Variants in SMARCAD1 observed in about 807,000 individuals in gnomAD.
The protein encoded by SMARCAD1 is SNF2 related chromatin remodeling ATPase with DExD box 1, also known as SWI/SNF-related matrix-associated actin-dependent regulator of chromatin subfamily A containing DEAD/H box 1.
Under a neutral mutation model 127.1 loss-of-function variants are expected in SMARCAD1, and 25 were observed. That is an observed-to-expected ratio of 0.20 (90% CI 0.14 to 0.27). The LOEUF is 0.27. SMARCAD1 is among the 10% of genes least tolerant of loss of function. The pLI is 1.00. For synonymous variants in SMARCAD1, 400 were observed against 396.9 expected (o/e 1.01, Z -0.09); for missense variants, 807 against 1,206.0 (o/e 0.67, Z 4.90).
intron 2 of SMARCAD1, among the ~76,000 whole-genome samples, chr4:94,216,966 A>C (rs943420614): frequency 6.6e-6 from 1 of 152,222 alleles, no homozygotes; most frequent in African/African-American, 2.4e-5. Flanking sequence ...TTGCTGGATC[A>C]TATAGTAATT....
At chr4:94,240,385 G>A (rs1011501866) in intron 5 of SMARCAD1, among the ~76,000 whole-genome samples, 13 of 152,240 alleles carry the variant, frequency 8.5e-5, no homozygotes, top group East Asian at 1.9e-4. Context: ...TGTTGCTTAA[G>A]CTCTCTGTAT....
chr4:94,265,396 G>T (rs1340557249), intron 10 of SMARCAD1, among the ~76,000 whole-genome samples: 1 of 125,756 alleles, frequency 8.0e-6, no homozygotes, highest in Admixed American at 8.9e-5. Flanking sequence ...CTCCTTTTGG[G>T]GTAGAAATAC....
chr4:94,280,571 T>C (rs1359881236), intron 19 of SMARCAD1, 21 bp from the exon 20 acceptor site: 8 of 1,599,534 alleles, frequency 5.0e-6, no homozygotes, highest in East Asian at 2.2e-5. Flanking sequence ...TGAAGTATAC[T>C]GTGTTTTGTT....
At chr4:94,234,361 T>G (rs1746308403) in intron 4 of SMARCAD1, among the ~76,000 whole-genome samples, 1 of 152,206 alleles carries the variant, frequency 6.6e-6, no homozygotes, top group Non-Finnish European at 1.5e-5. Context: ...GAACATAGGT[T>G]GTGAGTTTTT....
At chr4:94,208,646 A>G in intron 2 of SMARCAD1, 62 bp downstream of exon 2, 1 of 1,459,150 alleles carries the variant, frequency 6.9e-7, no homozygotes, top group Non-Finnish European at 9.6e-7. Flanking sequence ...TGAAAGGCAG[A>G]AGGGATTCTC....
intron 19 of SMARCAD1, 98 bp downstream of exon 19, chr4:94,279,148 C>G: frequency 6.6e-7 from 1 of 1,511,476 alleles, no homozygotes; most frequent in African/African-American, 1.4e-5. Context: ...AAACCTTTAA[C>G]TACATATTTA....
chr4:94,282,364 G>A (rs1202282148), intron 21 of SMARCAD1, among the ~76,000 whole-genome samples: 2 of 151,586 alleles, frequency 1.3e-5, no homozygotes, highest in South Asian at 2.1e-4. Flanking sequence ...CCAAAGTGCT[G>A]GGATTACAGG....
chr4:94,208,288 C>T (rs751799937), intron 1 of SMARCAD1, 58 bp from the exon 2 acceptor site: 2 of 1,169,606 alleles, frequency 1.7e-6, no homozygotes, highest in South Asian at 1.2e-5. Flanking sequence ...ACTGCTGTGG[C>T]ATTGTATCGT....
chr4:94,227,818 C>T (rs544236592), intron 3 of SMARCAD1, among the ~76,000 whole-genome samples: 1 of 152,140 alleles, frequency 6.6e-6, no homozygotes. Flanking sequence ...TCTGAATTTA[C>T]TAGGTGACAG....
At chr4:94,287,629 T>G (rs1463392480) in intron 23 of SMARCAD1, among the ~76,000 whole-genome samples, 2 of 152,202 alleles carry the variant, frequency 1.3e-5, no homozygotes, top group Non-Finnish European at 2.9e-5. Flanking sequence ...CGATGGCACC[T>G]AATAATACTT....
chr4:94,281,203 T>G (rs1446703537), intron 20 of SMARCAD1, among the ~76,000 whole-genome samples: 1 of 152,212 alleles, frequency 6.6e-6, no homozygotes, highest in Non-Finnish European at 1.5e-5. Context: ...GTTTTTCTTA[T>G]GAAAAGGAAG....
At chr4:94,258,639 A>C (rs1393597325) in intron 9 of SMARCAD1, among the ~76,000 whole-genome samples, 1 of 152,140 alleles carries the variant, frequency 6.6e-6, no homozygotes, top group Non-Finnish European at 1.5e-5. Flanking sequence ...TGGTTTTGTA[A>C]GTGCATACTA....
In SMARCAD1 at chr4:94,290,979, G is replaced by A; in HGVS notation, c.*1445G>A. On this transcript the variant is annotated 3_prime_UTR_variant, in exon 24 of 24. Transcript: ENST00000354268. ...CTCACGGCTTAACCCCAGTCTTGAT[G>A]GTATATTGAACAGACTGAATATATT... 1 of 450,008 alleles carries A rather than the reference G, an allele frequency of 2.2e-6. No individual in the cohort carries two copies. The highest frequency in any genetic ancestry group is 4.4e-6 in the Non-Finnish European group (1 of 225,524). The allele number at this position is 450,008 out of a possible 1,614,324, so 27.9% of individuals were successfully genotyped here. A position where few individuals can be genotyped will look rare whatever the true frequency, so the allele number is the denominator to read the frequency against.
At position 94,210,929 on chromosome 4, in the gene SMARCAD1, CAAAAAAAAA is replaced by C. The variant is rs747690168; in HGVS notation, c.190+2358_190+2366del. Among the ~76,000 whole-genome samples, 32 of 57,050 alleles carry C rather than the reference CAAAAAAAAA, an allele frequency of 5.6e-4. 1 individual carries two copies. Among genetic ancestry groups the C allele is most frequent in the African/African-American group, 2.6e-3 (31 of 11,992 alleles). The allele number at this position is 57,050 out of a possible 152,430, so 37.4% of individuals were successfully genotyped here. A position where few individuals can be genotyped will look rare whatever the true frequency, so the allele number is the denominator to read the frequency against. On this transcript the variant is annotated intron_variant, in intron 2 of 23. Coordinates refer to ENST00000354268, the MANE Select transcript of SMARCAD1 (RefSeq NM_020159.5). ...AGCCTGGGGGACAGAGACTGTATCT[CAAAAAAAAA>C]AAAAAAAAAAAAGGTAAATGTCTTT... is the stretch of plus-strand genomic sequence containing the variant.
intron 23 of SMARCAD1, among the ~76,000 whole-genome samples, chr4:94,288,540 G>A (rs1166526120): frequency 6.6e-6 from 1 of 151,990 alleles, no homozygotes; most frequent in East Asian, 1.9e-4. Context: ...GTACTATTTT[G>A]TGTTCCTGTG....
At position 94,264,710 on chromosome 4, in the gene SMARCAD1, A is replaced by G. The variant is rs35489656; in HGVS notation, c.1285A>G (p.Thr429Ala). ...TATTTTTCTTTTTATGCTATAGTTC[A>G]CAAAGATGTCCAAAACTAATGGCTT... ...RPFNSWEALF[T>A]KMSKTNGLSE... The change falls in exon 10 of 24, where the codon ACA (threonine) becomes GCA (alanine). Residue 429 changes from threonine to alanine, a missense_variant. Physicochemically the swap from Thr to Ala is moderately conservative, Grantham distance 58 (BLOSUM62 0). Transcript: ENST00000354268. 38 of 1,611,106 alleles carry G rather than the reference A, an allele frequency of 2.4e-5. No individual in the cohort carries two copies. In the African/African-American group the frequency reaches 4.1e-4, roughly 18 times the overall value.
chr4:94,231,454 GT>G (rs1192189246), intron 3 of SMARCAD1, among the ~76,000 whole-genome samples: 1 of 152,076 alleles, frequency 6.6e-6, no homozygotes, highest in East Asian at 1.9e-4. Context: ...GTTCTTACAG[GT>G]TTTTTTCTTC....
At chr4:94,255,297 C>T (rs1433716149) in intron 9 of SMARCAD1, among the ~76,000 whole-genome samples, 1 of 151,904 alleles carries the variant, frequency 6.6e-6, no homozygotes, top group Non-Finnish European at 1.5e-5. Flanking sequence ...CTGTAAAGTT[C>T]ATAAATATTT....
chr4:94,224,753 C>G (rs1438235638), intron 2 of SMARCAD1, among the ~76,000 whole-genome samples: 4 of 152,118 alleles, frequency 2.6e-5, no homozygotes, highest in African/African-American at 4.8e-5. Flanking sequence ...GATTTCAGAT[C>G]TACTTTCTCC....
Sources: allele counts gnomAD v4.1 joint callset (sites outside exome capture counted in the v4.1 genomes callset), GRCh38; gene constraint gnomAD v4.1.1; transcripts MANE v1.5; gene names NCBI Gene and HGNC (gene_info 2026-07-23, HGNC 2026-07-21).